ACCSL: variants seen among roughly 807,000 people sequenced by gnomAD.
The protein encoded by ACCSL is probable inactive 1-aminocyclopropane-1-carboxylate synthase-like protein 2.
Under a neutral mutation model 61.7 loss-of-function variants are expected in ACCSL, and 55 were observed. The observed-to-expected ratio is 0.89, with a 90% CI of 0.72 to 1.12. ACCSL has a LOEUF of 1.12. Ranked by LOEUF, ACCSL falls within the 50% of genes most tolerant of loss-of-function variation. The probability of loss-of-function intolerance (pLI) is 0.00; values close to 1 mark genes in which losing one functional copy is unlikely to be tolerated. For missense variants in ACCSL, 632 were observed against 698.0 expected, an observed-to-expected ratio of 0.91 and a Z score of 1.07; for synonymous variants, 258 against 264.3, an observed-to-expected ratio of 0.98 and a Z score of 0.23.
chr11:43,968,676 A>G, the ACCSL span, among the ~76,000 whole-genome samples: 2 of 152,322 alleles, frequency 1.3e-5, no homozygotes, highest in African/African-American at 4.8e-5. Context: ...ATCTGGGATT[A>G]TGAATTCTCA....
At chr11:43,943,287 C>A in the ACCSL span, 1 of 1,472,174 alleles carries the variant, frequency 6.8e-7, no homozygotes, top group Non-Finnish European at 9.0e-7. This position sits in a 1 kb window ranked among gnomAD's most constrained non-coding sequence, Gnocchi z 4.8. Flanking sequence ...GCGCCGCCCG[C>A]GGGGGGGACG....
At chr11:43,926,804 C>T in the ACCSL span, among the ~76,000 whole-genome samples, 1 of 152,146 alleles carries the variant, frequency 6.6e-6, no homozygotes, top group East Asian at 1.9e-4. Flanking sequence ...GGTTGGAGGG[C>T]AGTGGTGCAA....
chr11:44,023,927 G>A, the ACCSL span, among the ~76,000 whole-genome samples: 1 of 152,076 alleles, frequency 6.6e-6, no homozygotes. Flanking sequence ...AGAGTGTGTT[G>A]TTTAATTTCC....
the ACCSL span, among the ~76,000 whole-genome samples, chr11:43,940,562 G>A: frequency 3.5e-4 from 53 of 151,030 alleles, no homozygotes; most frequent in Admixed American, 7.3e-4. Context: ...GGGTTTCACC[G>A]TGTTAGCCAG....
chr11:44,019,804 A>G, the ACCSL span, among the ~76,000 whole-genome samples: 7 of 152,336 alleles, frequency 4.6e-5, no homozygotes, highest in African/African-American at 1.7e-4. Flanking sequence ...TTTCAGTGCC[A>G]TATCTAAGAA....
At chr11:43,947,690 C>G in the ACCSL span, among the ~76,000 whole-genome samples, 13 of 151,096 alleles carry the variant, frequency 8.6e-5, no homozygotes, top group South Asian at 2.7e-3. Flanking sequence ...TGTTGAGAGA[C>G]AGAAGGATAA....
At chr11:43,963,698 TC>T in the ACCSL span, among the ~76,000 whole-genome samples, 2 of 152,252 alleles carry the variant, frequency 1.3e-5, no homozygotes, top group Non-Finnish European at 2.9e-5. Flanking sequence ...GCTTTACTGT[TC>T]CTGTGATCCC....
the ACCSL span, among the ~76,000 whole-genome samples, chr11:43,978,814 T>TTA: frequency 1.1e-5 from 1 of 88,874 alleles, no homozygotes; most frequent in African/African-American, 4.7e-5. Context: ...TTTTTTTTTT[T>TTA]ACCAATAAAA....
rs1177722132 is a variant in ACCSL, at chr11:44,048,331, G to T, written c.295G>T (p.Glu99Ter). 1 of 1,613,970 alleles carries T rather than the reference G, an allele frequency of 6.2e-7. No individual in the cohort carries two copies. The highest frequency in any genetic ancestry group is 8.5e-7 in the Non-Finnish European group (1 of 1,180,004). ...GLELQVPLPS[E>*]DSRGDVRYGQ... is the part of the protein sequence containing the mutation. ...GGAGCTCCAAGTGCCTCTTCCTTCT[G>T]AGGACTCTAGGGGTGATGTCAGATA... Residue 99 changes from glutamate (E) to a stop codon, truncating the protein, a stop_gained, in exon 1 of 14, where the codon GAG (glutamate) becomes TAG (stop). Coordinates refer to ENST00000378832, the MANE Select transcript of ACCSL (RefSeq NM_001031854.2). LOFTEE classifies it high-confidence loss of function.
At chr11:44,042,490 T>C in the ACCSL span, among the ~76,000 whole-genome samples, 1 of 152,092 alleles carries the variant, frequency 6.6e-6, no homozygotes, top group Non-Finnish European at 1.5e-5. Flanking sequence ...TTATTTTTAT[T>C]TTTATTTTTT....
chr11:43,955,218 C>G, the ACCSL span, among the ~76,000 whole-genome samples: 4 of 152,094 alleles, frequency 2.6e-5, no homozygotes, highest in African/African-American at 9.7e-5. Context: ...CTAGACTAAA[C>G]CCCTCAGCCT....
the ACCSL span, chr11:43,933,059 G>T: frequency 2.2e-6 from 1 of 455,670 alleles, no homozygotes; most frequent in Non-Finnish European, 4.4e-6. Context: ...TGCGTTTCTG[G>T]CTCCAGCTGC....
At chr11:44,003,585 G>T in the ACCSL span, among the ~76,000 whole-genome samples, 5 of 151,556 alleles carry the variant, frequency 3.3e-5, no homozygotes, top group African/African-American at 1.2e-4. Flanking sequence ...GGAGGTTGCA[G>T]TGAGCTGAGA....
At chr11:43,938,191 G>C in the ACCSL span, among the ~76,000 whole-genome samples, 3 of 152,072 alleles carry the variant, frequency 2.0e-5, no homozygotes, top group Non-Finnish European at 4.4e-5. Flanking sequence ...CCCTGGCAGC[G>C]GAGGAGGTTC....
chr11:43,960,576 G>A, the ACCSL span, among the ~76,000 whole-genome samples: 3 of 152,034 alleles, frequency 2.0e-5, no homozygotes, highest in African/African-American at 4.8e-5. Flanking sequence ...GCAGAGATGA[G>A]GTTTCACCAT....
At chr11:44,056,370 G>A (rs1952671782) in intron 11 of ACCSL, 44 bp downstream of exon 11, 1 of 1,585,460 alleles carries the variant, frequency 6.3e-7, no homozygotes, top group African/African-American at 1.3e-5. Flanking sequence ...TGGACCTCAT[G>A]GCCATGGGGA....
At chr11:43,956,148 A>G in the ACCSL span, among the ~76,000 whole-genome samples, 1 of 152,012 alleles carries the variant, frequency 6.6e-6, no homozygotes, top group East Asian at 1.9e-4. Flanking sequence ...TACAGAAACA[A>G]CTGGAGTCTT....
chr11:43,938,696 G>A, the ACCSL span, among the ~76,000 whole-genome samples: 8 of 152,094 alleles, frequency 5.3e-5, no homozygotes, highest in South Asian at 4.2e-4. Flanking sequence ...CCAGCTACTC[G>A]GGAGGCTGAG....
the ACCSL span, among the ~76,000 whole-genome samples, chr11:43,922,763 C>T: frequency 1.3e-5 from 2 of 152,218 alleles, no homozygotes. Context: ...TGTGAATACA[C>T]TTGGGGACCC....
Sources: gnomAD v4.1 joint callset for allele counts (sites outside exome capture counted in the v4.1 genomes callset) on GRCh38, gnomAD v4.1.1 for gene constraint, Gnocchi (gnomAD v3.1) non-coding constraint, MANE v1.5 for transcripts, NCBI Gene and HGNC (gene_info 2026-07-23, HGNC 2026-07-21) for gene names.